The following UXS1 variants were observed in gnomAD, a reference collection of about 807,000 sequenced individuals.
UXS1 encodes UDP-glucuronate decarboxylase 1.
Under a neutral mutation model 62.6 loss-of-function variants are expected in UXS1, and 33 were observed. The observed-to-expected ratio is 0.53, with a 90% confidence interval of 0.40 to 0.70. The LOEUF (loss-of-function observed/expected upper bound fraction) is 0.70, where lower values mean the gene tolerates loss of function less well. Ranked by LOEUF, UXS1 falls within the 30% of genes least tolerant of loss-of-function variation. The probability of loss-of-function intolerance (pLI) is 0.00; values close to 1 mark genes in which losing one functional copy is unlikely to be tolerated. For missense variants in UXS1, 434 were observed against 556.3 expected (o/e 0.78, Z 2.21); for synonymous variants, 213 against 206.8 (o/e 1.03, Z -0.26).
intron 9 of UXS1, among the ~76,000 whole-genome samples, chr2:106,113,741 G>C (rs571610549): frequency 6.6e-6 from 1 of 152,346 alleles, no homozygotes; most frequent in East Asian, 1.9e-4. Context: ...GGAGCCTGGG[G>C]CGTGAGGACC....
rs373462451 is a variant in UXS1, at chr2:106,176,772, G to T, written c.95-10689C>A. On this transcript the variant is annotated intron_variant, in intron 1 of 14. Coordinates refer to ENST00000283148, the MANE Select transcript of UXS1 (RefSeq NM_001253875.2). ...CTGAGCAGGCTCTAGCAACCGGCAT[G>T]CTCCAAGCCTAAAGCAAAGGGCGCT... Among the ~76,000 whole-genome samples the T allele has an allele frequency of 5.9e-4, 90 of 152,328 alleles. 2 individuals carry two copies. The South Asian group carries it at 0.018, about 31-fold the overall frequency.
chr2:106,120,320 AC>A (rs1375277238), intron 9 of UXS1, among the ~76,000 whole-genome samples: 1 of 151,776 alleles, frequency 6.6e-6, no homozygotes, highest in African/African-American at 2.4e-5. Context: ...GGAAACTACA[AC>A]CTCCTCCTGT....
chr2:106,167,509 C>T (rs1297691411), intron 1 of UXS1, among the ~76,000 whole-genome samples: 1 of 152,052 alleles, frequency 6.6e-6, no homozygotes, highest in Non-Finnish European at 1.5e-5. Flanking sequence ...GATTCAGTAT[C>T]CAAACTACAC....
chr2:106,098,690 C>G, intron 13 of UXS1, 26 bp downstream of exon 13: 1 of 1,404,342 alleles, frequency 7.1e-7, no homozygotes, highest in Non-Finnish European at 9.8e-7. Flanking sequence ...GTCGATTTTA[C>G]TCAGGAAATG....
chr2:106,098,828 C>T (rs1057030385), intron 12 of UXS1, 55 bp from the exon 13 acceptor site: 45 of 1,513,930 alleles, frequency 3.0e-5, no homozygotes, highest in Non-Finnish European at 1.0e-5. Flanking sequence ...AGCAATCCAC[C>T]ACCCAGACCA....
chr2:106,111,059 A>G (rs1678560127), intron 10 of UXS1, among the ~76,000 whole-genome samples: 2 of 152,202 alleles, frequency 1.3e-5, no homozygotes, highest in Admixed American at 1.3e-4. Flanking sequence ...GGAGCTGCAG[A>G]GCCACTTGAG....
chr2:106,110,765 C>G (rs1573420716), intron 10 of UXS1, among the ~76,000 whole-genome samples: 1 of 152,266 alleles, frequency 6.6e-6, no homozygotes, highest in Middle Eastern at 3.4e-3. Flanking sequence ...GAAACAAAGT[C>G]CCTGGTTTTG....
At chr2:106,157,276 T>TA (rs5833171) in intron 5 of UXS1, among the ~76,000 whole-genome samples, 147,972 of 151,886 alleles carry the variant, frequency 0.97, 72,170 homozygotes, top group East Asian at 1. Context: ...GCTGTTACTT[T>TA]AAAAAAAATG....
intron 10 of UXS1, among the ~76,000 whole-genome samples, 162 bp from the exon 11 acceptor site, chr2:106,104,999 A>G (rs953914264): frequency 1.3e-5 from 2 of 152,190 alleles, no homozygotes; most frequent in African/African-American, 4.8e-5. Context: ...CTACTTCGAG[A>G]CCATGCCTTG....
At chr2:106,160,350 G>A (rs1174425830) in intron 4 of UXS1, 1 of 152,122 alleles carries the variant, frequency 6.6e-6, no homozygotes, top group Non-Finnish European at 1.5e-5. Flanking sequence ...TCCTTCCCAC[G>A]ACTGCTCATA....
intron 1 of UXS1, among the ~76,000 whole-genome samples, chr2:106,171,658 G>A (rs1683567918): frequency 6.6e-6 from 1 of 152,226 alleles, no homozygotes; most frequent in Non-Finnish European, 1.5e-5. Flanking sequence ...CCAGATCTGG[G>A]TAGCAATTTC....
At chr2:106,153,579 G>A (rs1417274390) in intron 5 of UXS1, among the ~76,000 whole-genome samples, 1 of 152,134 alleles carries the variant, frequency 6.6e-6, no homozygotes. Context: ...GGTGGGGGTT[G>A]GGATGAGGGC....
chr2:106,165,991 T>G, intron 2 of UXS1, 65 bp downstream of exon 2: 1 of 1,497,388 alleles, frequency 6.7e-7, no homozygotes, highest in Non-Finnish European at 9.2e-7. Flanking sequence ...CCATGGTATA[T>G]ATGTACCAAC....
chr2:106,148,029 C>A lies in UXS1; in HGVS notation c.292-2659G>T, dbSNP rs886689982. On this transcript the variant is annotated intron_variant, in intron 5 of 14. Coordinates refer to ENST00000283148, the MANE Select transcript of UXS1 (RefSeq NM_001253875.2). ...TTACCAACAGCACCATTTTCCAAAT[C>A]CCCTTTGCCTTCAAGATAAGAAACT... 2.2e-4 allele frequency among the ~76,000 whole-genome samples: 34 copies of A among 152,184 alleles called. 1 individual carries two copies. The highest frequency in any genetic ancestry group is 8.2e-4 in the African/African-American group (34 of 41,440).
At chr2:106,145,065 T>G in intron 6 of UXS1, 125 bp downstream of exon 6, 1 of 1,087,598 alleles carries the variant, frequency 9.2e-7, no homozygotes, top group Admixed American at 2.7e-5. Flanking sequence ...TTGAGACATT[T>G]CAAAAATAAA....
At chr2:106,180,884 T>C (rs1432952413) in intron 1 of UXS1, among the ~76,000 whole-genome samples, 2 of 152,336 alleles carry the variant, frequency 1.3e-5, no homozygotes, top group Middle Eastern at 3.4e-3. Flanking sequence ...TGTGGCATGG[T>C]AGAAAATGTT....
intron 5 of UXS1, among the ~76,000 whole-genome samples, chr2:106,155,923 A>C (rs1447563635): frequency 6.6e-6 from 1 of 152,192 alleles, no homozygotes. Context: ...CACAGGCCTA[A>C]ATTTAAGAAC....
At chr2:106,121,627 A>C (rs911284900) in intron 9 of UXS1, among the ~76,000 whole-genome samples, 9 of 152,192 alleles carry the variant, frequency 5.9e-5, no homozygotes, top group African/African-American at 2.2e-4. Context: ...AAAATGATGA[A>C]AGTATGTTCC....
At chr2:106,142,923 ATGTGTGTGTGTGTGTG>A (rs141333004) in intron 6 of UXS1, among the ~76,000 whole-genome samples, 22 of 148,960 alleles carry the variant, frequency 1.5e-4, no homozygotes, top group Non-Finnish European at 1.5e-5. Context: ...GTTTGCATGT[ATGTGTGTGTGTGTGTG>A]TGTGTGTCCT....
Sources: gnomAD v4.1 joint callset for allele counts (sites outside exome capture counted in the v4.1 genomes callset) on GRCh38, gnomAD v4.1.1 for gene constraint, MANE v1.5 for transcripts, NCBI Gene and HGNC (gene_info 2026-07-23, HGNC 2026-07-21) for gene names.